SMYD3: variants seen among roughly 807,000 people sequenced by gnomAD.
SMYD3 encodes SET and MYND domain containing 3.
Under a neutral mutation model 57.7 loss-of-function variants are expected in SMYD3, and 36 were observed. That is an observed-to-expected ratio of 0.62 (90% confidence interval 0.48 to 0.82). SMYD3 has a LOEUF of 0.82. SMYD3 is among the 40% of genes least tolerant of loss of function. The pLI, the probability that SMYD3 is intolerant of heterozygous loss-of-function variation, is 0.00. For synonymous variants in SMYD3, 211 were observed against 195.0 expected, an observed-to-expected ratio of 1.08 and a Z score of -0.68; for missense variants, 515 against 538.8, an observed-to-expected ratio of 0.96 and a Z score of 0.44.
At chr1:245,868,658 A>G (rs1346005654) in intron 8 of SMYD3, among the ~76,000 whole-genome samples, 1 of 152,186 alleles carries the variant, frequency 6.6e-6, no homozygotes, top group Non-Finnish European at 1.5e-5. Context: ...GCTCCTAAAC[A>G]TTTAGAAATG....
At chr1:245,915,933 A>G (rs1484196649) in intron 7 of SMYD3, among the ~76,000 whole-genome samples, 2 of 152,138 alleles carry the variant, frequency 1.3e-5, no homozygotes, top group Non-Finnish European at 2.9e-5. Flanking sequence ...CTACAGGAAA[A>G]TATCAAAAAC....
chr1:245,907,240 G>C (rs1046820822), intron 8 of SMYD3, among the ~76,000 whole-genome samples: 3 of 152,130 alleles, frequency 2.0e-5, no homozygotes, highest in African/African-American at 7.2e-5. Context: ...GTAACTCAAA[G>C]GATAAATGCT....
chr1:246,498,805 G>T (rs1042789015), intron 1 of SMYD3, among the ~76,000 whole-genome samples: 2 of 150,714 alleles, frequency 1.3e-5, no homozygotes, highest in Non-Finnish European at 3.0e-5. Context: ...TGAACCAGAC[G>T]CTACGGTCTG....
chr1:245,949,838 C>A (rs1367142170), intron 5 of SMYD3, among the ~76,000 whole-genome samples: 1 of 145,558 alleles, frequency 6.9e-6, no homozygotes, highest in Non-Finnish European at 1.5e-5. Flanking sequence ...CCCCCCACCC[C>A]CACCCAACCA....
intron 10 of SMYD3, among the ~76,000 whole-genome samples, chr1:245,842,755 C>A (rs2050468485): frequency 6.6e-6 from 1 of 152,092 alleles, no homozygotes; most frequent in Non-Finnish European, 1.5e-5. Flanking sequence ...GTTGCCCAGG[C>A]TGGAGTGCAG....
At chr1:246,248,631 CTTTCCTTTTT>C (rs2063746627) in intron 5 of SMYD3, among the ~76,000 whole-genome samples, 1 of 119,270 alleles carries the variant, frequency 8.4e-6, no homozygotes, top group South Asian at 3.0e-4. Context: ...AGCTCTCTGA[CTTTCCTTTTT>C]TTTTTTTTTT....
At chr1:245,885,116 G>A (rs927098306) in intron 8 of SMYD3, among the ~76,000 whole-genome samples, 2 of 152,192 alleles carry the variant, frequency 1.3e-5, no homozygotes, top group Non-Finnish European at 2.9e-5. Flanking sequence ...ACCTTTAAGA[G>A]CTGTAACATT....
At position 246,457,532 on chromosome 1, in the gene SMYD3, C is replaced by CAAA. The variant is rs59617511; in HGVS notation, c.164+49519_164+49521dup. Among the ~76,000 whole-genome samples the CAAA allele has an allele frequency of 2.0e-3, 166 of 82,356 alleles. 2 individuals carry two copies. The highest frequency in any genetic ancestry group is 9.4e-3 in the East Asian group (23 of 2,440). The allele number at this position is 82,356 out of a possible 152,430, so 54.0% of individuals were successfully genotyped here. A position where few individuals can be genotyped will look rare whatever the true frequency, so the allele number is the denominator to read the frequency against. On this transcript the variant is annotated intron_variant, in intron 1 of 11. Coordinates refer to ENST00000490107, the MANE Select transcript of SMYD3 (RefSeq NM_001167740.2). ...TGAGCAACAGAGCGAGACTCTGCCTCAAAAAAAAAAAAAAAAGAAAAGAAA... is the reference window on the plus strand; with the variant it reads ...TGAGCAACAGAGCGAGACTCTGCCTCAAAAAAAAAAAAAAAAAAAGAAAAGAAA...
intron 5 of SMYD3, among the ~76,000 whole-genome samples, chr1:245,977,543 G>A (rs942490487): frequency 6.6e-6 from 1 of 152,172 alleles, no homozygotes; most frequent in East Asian, 1.9e-4. Context: ...GCCAGGTGTG[G>A]TGGTGCATGC....
chr1:246,086,135 C>T (rs1359186822), intron 5 of SMYD3, among the ~76,000 whole-genome samples: 1 of 151,890 alleles, frequency 6.6e-6, no homozygotes, highest in Admixed American at 6.6e-5. Flanking sequence ...CTTTGGTTCT[C>T]AAAGCATTCT....
intron 1 of SMYD3, among the ~76,000 whole-genome samples, chr1:246,367,884 C>G (rs868208542): frequency 1.3e-5 from 2 of 152,028 alleles, no homozygotes; most frequent in African/African-American, 4.8e-5. Flanking sequence ...TAAATGGGAT[C>G]GTTAGCAACC....
At chr1:246,479,086 A>ACAAGATCATGGTT (rs1315546090) in intron 1 of SMYD3, among the ~76,000 whole-genome samples, 4 of 151,522 alleles carry the variant, frequency 2.6e-5, no homozygotes, top group African/African-American at 9.8e-5. Flanking sequence ...TGGAGCTGGT[A>ACAAGATCATGGTT]CATAAGTGCT....
intron 5 of SMYD3, among the ~76,000 whole-genome samples, chr1:246,109,253 A>C (rs917558405): frequency 1.3e-5 from 2 of 152,214 alleles, no homozygotes; most frequent in African/African-American, 4.8e-5. Flanking sequence ...ACAAACGTAA[A>C]ATTATGTATA....
At chr1:245,937,987 G>A (rs959967443) in intron 5 of SMYD3, among the ~76,000 whole-genome samples, 1 of 152,210 alleles carries the variant, frequency 6.6e-6, no homozygotes, top group Non-Finnish European at 1.5e-5. Flanking sequence ...AATTAATGGA[G>A]AAAAGGAAAC....
chr1:245,961,952 G>A (rs1437564651), intron 5 of SMYD3, among the ~76,000 whole-genome samples: 3 of 152,102 alleles, frequency 2.0e-5, no homozygotes, highest in African/African-American at 4.8e-5. Context: ...AACTGATTTC[G>A]CTGATTTCCA....
intron 5 of SMYD3, among the ~76,000 whole-genome samples, chr1:246,057,848 C>A (rs1326791559): frequency 6.6e-6 from 1 of 152,148 alleles, no homozygotes; most frequent in African/African-American, 2.4e-5. Flanking sequence ...TGGAAGTAAC[C>A]CAGATGGCCT....
intron 2 of SMYD3, among the ~76,000 whole-genome samples, chr1:246,346,201 G>A (rs573538735): frequency 1.1e-4 from 17 of 152,136 alleles, no homozygotes; most frequent in East Asian, 3.9e-4. Flanking sequence ...GGAGAATGGC[G>A]TGAATCCGGG....
intron 5 of SMYD3, among the ~76,000 whole-genome samples, chr1:246,260,489 T>A (rs1250018928): frequency 6.6e-6 from 1 of 152,090 alleles, no homozygotes; most frequent in African/African-American, 2.4e-5. Context: ...TCTTGTTCTA[T>A]CACCAGGCTG....
At chr1:246,343,569 C>T (rs2065663806) in intron 2 of SMYD3, among the ~76,000 whole-genome samples, 1 of 152,090 alleles carries the variant, frequency 6.6e-6, no homozygotes, top group Non-Finnish European at 1.5e-5. Flanking sequence ...GAATCAAAGA[C>T]TATACATTGG....
Sources: gnomAD v4.1 joint callset for allele counts (sites outside exome capture counted in the v4.1 genomes callset) on GRCh38, gnomAD v4.1.1 for gene constraint, MANE v1.5 for transcripts, NCBI Gene and HGNC (gene_info 2026-07-23, HGNC 2026-07-21) for gene names.